PDE3A: variants seen among roughly 807,000 people sequenced by gnomAD.
PDE3A encodes phosphodiesterase 3A, also known as cGMP-inhibited 3',5'-cyclic phosphodiesterase 3A.
PDE3A carries 43 observed loss-of-function variants against 98.3 expected under a neutral mutation model. The observed-to-expected ratio is 0.44, with a 90% CI of 0.34 to 0.56. PDE3A has a LOEUF of 0.56. PDE3A is among the 20% of genes least tolerant of loss of function. The probability of loss-of-function intolerance (pLI) is 0.01; values close to 1 mark genes in which losing one functional copy is unlikely to be tolerated. For synonymous variants in PDE3A, 663 were observed against 567.9 expected, an observed-to-expected ratio of 1.17 and a Z score of -2.38; for missense variants, 1,427 against 1,440.7, an observed-to-expected ratio of 0.99 and a Z score of 0.15.
intron 1 of PDE3A, among the ~76,000 whole-genome samples, chr12:20,410,502 T>G (rs888431995): frequency 1.3e-5 from 2 of 152,202 alleles, no homozygotes; most frequent in East Asian, 1.9e-4. Flanking sequence ...TACTTCTTCC[T>G]GAAGCTACAC....
chr12:20,601,515 T>G (rs1943590837), intron 2 of PDE3A, among the ~76,000 whole-genome samples: 1 of 152,208 alleles, frequency 6.6e-6, no homozygotes, highest in Non-Finnish European at 1.5e-5. Flanking sequence ...ATTTGATGTT[T>G]TGTGTTAATA....
At chr12:20,424,669 G>T (rs1465249922) in intron 1 of PDE3A, among the ~76,000 whole-genome samples, 1 of 152,186 alleles carries the variant, frequency 6.6e-6, no homozygotes, top group African/African-American at 2.4e-5. Flanking sequence ...ATACGTGTCA[G>T]AATATCTACT....
chr12:20,585,938 G>C (rs966215836), intron 2 of PDE3A, among the ~76,000 whole-genome samples: 1 of 152,164 alleles, frequency 6.6e-6, no homozygotes, highest in Admixed American at 6.5e-5. Context: ...GAATGATACT[G>C]TTTGATGGAG....
At chr12:20,425,562 C>T (rs976675681) in intron 1 of PDE3A, among the ~76,000 whole-genome samples, 14 of 152,134 alleles carry the variant, frequency 9.2e-5, no homozygotes, top group Non-Finnish European at 5.9e-5. Context: ...TTTTTCTAAG[C>T]ACTTTACAGA....
At chr12:20,499,786 A>G in intron 1 of PDE3A, among the ~76,000 whole-genome samples, 1 of 152,188 alleles carries the variant, frequency 6.6e-6, no homozygotes, top group East Asian at 1.9e-4. Context: ...ATATTTTCTC[A>G]GCTCATATTA....
At chr12:20,486,874 C>G (rs1369028373) in intron 1 of PDE3A, among the ~76,000 whole-genome samples, 1 of 152,208 alleles carries the variant, frequency 6.6e-6, no homozygotes, top group Non-Finnish European at 1.5e-5. Context: ...CCTCAAGTGA[C>G]CTGCCTGCCT....
intron 1 of PDE3A, among the ~76,000 whole-genome samples, chr12:20,520,825 C>CG (rs966008598): frequency 1.3e-5 from 2 of 152,180 alleles, no homozygotes; most frequent in Non-Finnish European, 2.9e-5. Context: ...CTGAGAAATA[C>CG]TAGCATCTGT....
chr12:20,393,044 A>G (rs1481438675), intron 1 of PDE3A, among the ~76,000 whole-genome samples: 57 of 152,134 alleles, frequency 3.7e-4, no homozygotes, highest in Non-Finnish European at 1.6e-4. Context: ...GAAGGAATAC[A>G]TTCTAGTATT....
intron 1 of PDE3A, among the ~76,000 whole-genome samples, chr12:20,545,778 A>C (rs1249220209): frequency 6.5e-4 from 4 of 6,170 alleles, no homozygotes; most frequent in African/African-American, 8.0e-4. Context: ...AGTGGCTGCC[A>C]AAAAAAAAAA....
intron 2 of PDE3A, among the ~76,000 whole-genome samples, chr12:20,603,501 C>A (rs1943642321): frequency 6.6e-6 from 1 of 152,050 alleles, no homozygotes; most frequent in African/African-American, 2.4e-5. Flanking sequence ...TATCTGACTG[C>A]ATTTACCTAG....
chr12:20,526,898 G>C (rs1365294016), intron 1 of PDE3A, among the ~76,000 whole-genome samples: 2 of 147,732 alleles, frequency 1.4e-5, no homozygotes, highest in African/African-American at 5.0e-5. Context: ...GTGTGTGTGT[G>C]TGTGTGTGTG....
At chr12:20,653,215 C>T (rs1944961786) in intron 14 of PDE3A, among the ~76,000 whole-genome samples, 2 of 152,004 alleles carry the variant, frequency 1.3e-5, no homozygotes, top group South Asian at 4.1e-4. Flanking sequence ...TCAGAAACCA[C>T]ACAATCACAG....
At chr12:20,543,501 A>G (rs1941975980) in intron 1 of PDE3A, among the ~76,000 whole-genome samples, 1 of 151,958 alleles carries the variant, frequency 6.6e-6, no homozygotes, top group Non-Finnish European at 1.5e-5. Context: ...CTCATAACCA[A>G]GGGGATCCAT....
chr12:20,445,331 T>A (rs985128465), intron 1 of PDE3A, among the ~76,000 whole-genome samples: 10 of 141,302 alleles, frequency 7.1e-5, no homozygotes, highest in South Asian at 4.6e-4. Context: ...CTTGAGAAAA[T>A]TTTTTTTTCT....
At chr12:20,498,987 C>T (rs112730140) in intron 1 of PDE3A, among the ~76,000 whole-genome samples, 1 of 152,088 alleles carries the variant, frequency 6.6e-6, no homozygotes, top group Non-Finnish European at 1.5e-5. Flanking sequence ...GTATGTTATA[C>T]TTTTTGGTAG....
chr12:20,415,697 A>G (rs544251192), intron 1 of PDE3A, among the ~76,000 whole-genome samples: 1 of 152,284 alleles, frequency 6.6e-6, no homozygotes, highest in East Asian at 1.9e-4. Flanking sequence ...TCGGCCTCCC[A>G]GAGTGCTAGG....
intron 14 of PDE3A, among the ~76,000 whole-genome samples, chr12:20,651,468 G>C (rs914517526): frequency 6.6e-6 from 1 of 152,206 alleles, no homozygotes; most frequent in East Asian, 1.9e-4. Context: ...CAACATTGCT[G>C]TGGAGATTAA....
At chr12:20,631,409 T>A (rs1010078261) in intron 6 of PDE3A, among the ~76,000 whole-genome samples, 2 of 152,212 alleles carry the variant, frequency 1.3e-5, no homozygotes, top group African/African-American at 4.8e-5. Context: ...TCATTTAGTG[T>A]TTTCTGAATT....
At position 20,646,771 on chromosome 12, in the gene PDE3A, C is replaced by T; in HGVS notation, c.2386C>T (p.His796Tyr). The T allele has an allele frequency of 6.2e-7, 1 of 1,604,024 alleles. No homozygotes were observed. The highest frequency in any genetic ancestry group is 8.5e-7 in the Non-Finnish European group (1 of 1,171,006). ...SDSDSDSGFTHGHMGYVFSKT... is the reference protein window; with the variant it reads ...SDSDSDSGFTYGHMGYVFSKT... Reference sequence around the variant, plus strand: ...CTCAGATTCTGACAGTGGATTTACACATGGACATATGGGATATGTATTCTC... The same window carrying T: ...CTCAGATTCTGACAGTGGATTTACATATGGACATATGGGATATGTATTCTC... Residue 796 changes from histidine (H) to tyrosine (Y), a missense_variant, in exon 12 of 16, where the codon CAT (histidine) becomes TAT (tyrosine). Physicochemically the swap from His to Tyr is moderately conservative, Grantham distance 83. Around this residue, in one of 3 missense-constraint regions of PDE3A, gnomAD observed 273 missense variants for 420.3 expected, o/e 0.65. Coordinates refer to ENST00000359062, the MANE Select transcript of PDE3A (RefSeq NM_000921.5).
Sources: allele counts gnomAD v4.1 joint callset (sites outside exome capture counted in the v4.1 genomes callset), GRCh38; gene constraint gnomAD v4.1.1; regional missense constraint gnomAD v4.1.1; transcripts MANE v1.5; gene names NCBI Gene and HGNC (gene_info 2026-07-23, HGNC 2026-07-21).